ATAD1: variants seen among roughly 807,000 people sequenced by gnomAD.
The protein encoded by ATAD1 is outer mitochondrial transmembrane helix translocase.
In ATAD1, 18 loss-of-function variants were observed where a neutral mutation model predicts 42.7. That is an observed-to-expected ratio of 0.42 (90% confidence interval 0.29 to 0.63). ATAD1 has a LOEUF of 0.63. Ranked by LOEUF, ATAD1 falls within the 20% of genes least tolerant of loss-of-function variation. The probability of loss-of-function intolerance (pLI) is 0.19; values close to 1 mark genes in which losing one functional copy is unlikely to be tolerated. For synonymous variants in ATAD1, 132 were observed against 143.1 expected (o/e 0.92, Z 0.55); for missense variants, 294 against 440.4 (o/e 0.67, Z 2.98).
chr10:87,762,910 A>AC (rs1401315777), intron 8 of ATAD1, among the ~76,000 whole-genome samples: 23 of 90,812 alleles, frequency 2.5e-4, no homozygotes, highest in Non-Finnish European at 3.9e-4. Flanking sequence ...CTCTACTAAA[A>AC]AAAAAAAAAT....
intron 9 of ATAD1, among the ~76,000 whole-genome samples, chr10:87,756,505 T>G (rs1854229053): frequency 6.6e-6 from 1 of 152,220 alleles, no homozygotes; most frequent in African/African-American, 2.4e-5. Flanking sequence ...CCAATTTACA[T>G]GGGAAATTTC....
intron 2 of ATAD1, among the ~76,000 whole-genome samples, chr10:87,809,709 T>C (rs1306896640): frequency 6.6e-6 from 1 of 151,946 alleles, no homozygotes; most frequent in South Asian, 2.1e-4. Context: ...CAGGCTGGAG[T>C]GCAATGGCGC....
intron 6 of ATAD1, 113 bp from the exon 7 acceptor site, chr10:87,771,154 G>C: frequency 1.5e-6 from 1 of 672,786 alleles, no homozygotes; most frequent in Non-Finnish European, 2.4e-6. Context: ...TAAATCCTTT[G>C]TAAGAAATCT....
intron 5 of ATAD1, among the ~76,000 whole-genome samples, chr10:87,780,997 C>G (rs1855535133): frequency 6.6e-6 from 1 of 152,142 alleles, no homozygotes; most frequent in South Asian, 2.1e-4. Context: ...TTTGTACCAC[C>G]ATTCAGTCTG....
At chr10:87,840,781 A>C (rs1858017575) in intron 1 of ATAD1, among the ~76,000 whole-genome samples, 1 of 152,236 alleles carries the variant, frequency 6.6e-6, no homozygotes, top group African/African-American at 2.4e-5. Flanking sequence ...GTCCCATACC[A>C]AAGTGTAGAA....
At chr10:87,825,899 T>C (rs1056608790) in intron 1 of ATAD1, among the ~76,000 whole-genome samples, 1 of 152,138 alleles carries the variant, frequency 6.6e-6, no homozygotes, top group East Asian at 1.9e-4. Flanking sequence ...TAATTTACTA[T>C]GGGTAATTAA....
chr10:87,831,529 T>C (rs1410087829), intron 1 of ATAD1, among the ~76,000 whole-genome samples: 3 of 152,244 alleles, frequency 2.0e-5, no homozygotes, highest in Non-Finnish European at 1.5e-5. Context: ...TTCCTTTTGC[T>C]AGTAACCACC....
chr10:87,752,682 T>C lies in ATAD1; in HGVS notation c.*2005A>G, dbSNP rs980553180. 5.9e-5 allele frequency: 9 copies of C among 152,182 alleles called. No individual in the cohort carries two copies. The highest frequency in any genetic ancestry group is 1.3e-4 in the Admixed American group (2 of 15,266). The allele number at this position is 152,182 out of a possible 1,614,324, so 9.4% of individuals were successfully genotyped here. On this transcript the variant is annotated 3_prime_UTR_variant, in exon 10 of 10. Coordinates refer to ENST00000680024, the MANE Select transcript of ATAD1 (RefSeq NM_001321967.2). The stretch of plus-strand genomic sequence containing the variant: ...GAAATGCATGTCTAAAACAGAAGGA[T>C]AGATGTTACATAACACTAAAAGTTA...
chr10:87,774,836 C>G (rs1268875642), intron 6 of ATAD1, among the ~76,000 whole-genome samples: 1 of 151,968 alleles, frequency 6.6e-6, no homozygotes, highest in African/African-American at 2.4e-5. Flanking sequence ...ACCTGTAGTC[C>G]CAGAGACTTG....
At position 87,788,377 on chromosome 10, in the gene ATAD1, A is replaced by G. The variant is rs888913581; in HGVS notation, c.382+1933T>C. On this transcript the variant is annotated intron_variant, in intron 4 of 9. Transcript: ENST00000680024. ...CTGATTTTACACTCTGCTTCTATAC[A>G]CCAATATCCAATTTATATTGAGGGT... is the stretch of plus-strand genomic sequence containing the variant. 3.9e-5 allele frequency among the ~76,000 whole-genome samples: 6 copies of G among 152,204 alleles called. No homozygotes were observed. The South Asian group carries it at 8.3e-4, about 21-fold the overall frequency.
In ATAD1 at chr10:87,753,846, G is replaced by A. The variant is rs1182038817; in HGVS notation, c.*841C>T. ...AGGAAAGAAATGTACATGTATTAAAGGGTACTGAGGTTTTTCAAACCCATT... is the reference window on the plus strand; with the variant it reads ...AGGAAAGAAATGTACATGTATTAAAAGGTACTGAGGTTTTTCAAACCCATT... On this transcript the variant is annotated 3_prime_UTR_variant, in exon 10 of 10. Coordinates refer to ENST00000680024, the MANE Select transcript of ATAD1 (RefSeq NM_001321967.2). 6.6e-6 allele frequency: 1 copy of A among 152,538 alleles called. No homozygotes were observed. Among genetic ancestry groups the A allele is most frequent in the Middle Eastern group, 3.2e-3 (1 of 316 alleles). 9.4% of individuals were successfully genotyped at this position (152,538 alleles called of 1,614,324 possible). A position where few individuals can be genotyped will look rare whatever the true frequency, so the allele number is the denominator to read the frequency against.
chr10:87,768,832 C>G (rs1854892095), intron 7 of ATAD1, among the ~76,000 whole-genome samples: 1 of 152,178 alleles, frequency 6.6e-6, no homozygotes, highest in African/African-American at 2.4e-5. Flanking sequence ...GCCAGTAATC[C>G]TAACACTTTG....
At chr10:87,780,718 G>A (rs189597676) in intron 5 of ATAD1, among the ~76,000 whole-genome samples, 98 of 152,290 alleles carry the variant, frequency 6.4e-4, no homozygotes, top group Non-Finnish European at 8.8e-4. Flanking sequence ...TTATGCTACC[G>A]TCTGTTGTGT....
intron 1 of ATAD1, among the ~76,000 whole-genome samples, chr10:87,836,279 C>T (rs962122009): frequency 6.6e-6 from 1 of 152,128 alleles, no homozygotes; most frequent in Admixed American, 6.6e-5. Context: ...CCATGCCTGG[C>T]TCCTCCTTTA....
In ATAD1 at chr10:87,826,728, T is replaced by C. The variant is rs767936509; in HGVS notation, c.-13-12116A>G. The stretch of plus-strand genomic sequence containing the variant: ...CACAGGCTAGTATTTAAGAAACCTC[T>C]TCTGTCCCTCTCTCACCCCTTCCTT... On this transcript the variant is annotated intron_variant, in intron 1 of 4. Coordinates refer to the ATAD1 transcript ENST00000495903. Among the ~76,000 whole-genome samples the C allele has an allele frequency of 1.1e-4, 16 of 152,252 alleles. 1 individual carries two copies. The highest frequency in any genetic ancestry group is 2.9e-5 in the Non-Finnish European group (2 of 68,030).
At position 87,827,206 on chromosome 10, in the gene ATAD1, T is replaced by G. The variant is rs1285363786; in HGVS notation, c.-13-12594A>C. 1.3e-5 allele frequency among the ~76,000 whole-genome samples: 2 copies of G among 152,242 alleles called. 1 individual carries two copies. Among genetic ancestry groups the G allele is most frequent in the Non-Finnish European group, 2.9e-5 (2 of 68,040 alleles). On this transcript the variant is annotated intron_variant, in intron 1 of 4. Transcript: ENST00000495903. ...TGATACTATTTATATAATGTCATAA[T>G]GCTAAATATTTAATAATTTAATAAA...
chr10:87,818,392 A>C (rs1385798859), upstream of ATAD1: 1 of 375,856 alleles, frequency 2.7e-6, no homozygotes, highest in Non-Finnish European at 3.7e-6. Context: ...TGCTAGACTG[A>C]GACTTTCTGC....
At chr10:87,774,220 T>G (rs1855184732) in intron 6 of ATAD1, among the ~76,000 whole-genome samples, 1 of 152,216 alleles carries the variant, frequency 6.6e-6, no homozygotes, top group Non-Finnish European at 1.5e-5. Context: ...TCAAATAAAT[T>G]AATCTACAAT....
At chr10:87,794,907 A>T (rs2131953862) in intron 2 of ATAD1, among the ~76,000 whole-genome samples, 1 of 152,360 alleles carries the variant, frequency 6.6e-6, no homozygotes, top group Middle Eastern at 3.4e-3. Flanking sequence ...CTGCAACAGC[A>T]GTCCCACTTT....
Sources: allele counts gnomAD v4.1 joint callset (sites outside exome capture counted in the v4.1 genomes callset), GRCh38; gene constraint gnomAD v4.1.1; transcripts MANE v1.5; gene names NCBI Gene and HGNC (gene_info 2026-07-23, HGNC 2026-07-21).